The following ROR2 variants were observed in gnomAD, a reference collection of about 807,000 sequenced individuals.
ROR2 encodes the protein tyrosine-protein kinase transmembrane receptor ROR2.
Under a neutral mutation model 74.9 loss-of-function variants are expected in ROR2, and 33 were observed. The ratio of observed to expected loss-of-function variants is 0.44; its 90% CI spans 0.33 to 0.59. The LOEUF (loss-of-function observed/expected upper bound fraction) is 0.59. Ranked by LOEUF, ROR2 falls within the 20% of genes least tolerant of loss-of-function variation. The pLI is 0.02. For missense variants in ROR2, 1,216 were observed against 1,313.8 expected (o/e 0.93, Z 1.15); for synonymous variants, 586 against 558.7 (o/e 1.05, Z -0.69).
intron 1 of ROR2, among the ~76,000 whole-genome samples, chr9:91,835,983 C>T (rs1221472298): frequency 6.6e-6 from 1 of 152,210 alleles, no homozygotes; most frequent in African/African-American, 2.4e-5. Flanking sequence ...ACAGCTTTCC[C>T]CAGCCGTGTT....
chr9:91,743,535 C>T (rs967154982), intron 4 of ROR2, among the ~76,000 whole-genome samples: 1 of 151,794 alleles, frequency 6.6e-6, no homozygotes, highest in African/African-American at 2.4e-5. Flanking sequence ...CATGCCATTG[C>T]ACTACAGCCT....
intron 2 of ROR2, among the ~76,000 whole-genome samples, chr9:91,768,511 C>T (rs1325463786): frequency 6.6e-6 from 1 of 152,216 alleles, no homozygotes; most frequent in African/African-American, 2.4e-5. Context: ...CAGGAAGAAT[C>T]ACTGCTGTCC....
chr9:91,777,901 G>A (rs1374597524), intron 1 of ROR2, among the ~76,000 whole-genome samples: 2 of 152,194 alleles, frequency 1.3e-5, no homozygotes, highest in South Asian at 2.1e-4. Context: ...TGTACCACGG[G>A]ATTAGTAAAC....
intron 1 of ROR2, among the ~76,000 whole-genome samples, chr9:91,901,161 T>C (rs1049895624): frequency 6.6e-6 from 1 of 152,220 alleles, no homozygotes; most frequent in Non-Finnish European, 1.5e-5. Flanking sequence ...TCTTCTGAAA[T>C]GCAAACTATA....
At chr9:91,919,509 C>T (rs1831214764) in intron 1 of ROR2, among the ~76,000 whole-genome samples, 3 of 152,210 alleles carry the variant, frequency 2.0e-5, no homozygotes, top group African/African-American at 7.2e-5. Context: ...ACAACCTGCC[C>T]ACCATGAATC....
At chr9:91,949,708 G>C (rs1198524972) in intron 1 of ROR2, among the ~76,000 whole-genome samples, 159 bp downstream of exon 1, 1 of 152,038 alleles carries the variant, frequency 6.6e-6, no homozygotes, top group Admixed American at 6.5e-5. Context: ...GGTGCGGGCC[G>C]GGAGCGGCGT....
At chr9:91,782,584 C>CAAAAAA (rs55664591) in intron 1 of ROR2, among the ~76,000 whole-genome samples, 5 of 79,786 alleles carry the variant, frequency 6.3e-5, no homozygotes, top group East Asian at 3.7e-4. Flanking sequence ...TAGCTGATAG[C>CAAAAAA]AAAAAAAAAA....
At chr9:91,865,579 A>C (rs1008832052) in intron 1 of ROR2, among the ~76,000 whole-genome samples, 1 of 152,260 alleles carries the variant, frequency 6.6e-6, no homozygotes, top group African/African-American at 2.4e-5. Flanking sequence ...AAGAGATACA[A>C]ATTTGCAGAT....
chr9:91,733,178 C>T lies in ROR2; in HGVS notation c.881G>A (p.Ser294Asn). The stretch of plus-strand genomic sequence containing the variant: ...GCGCATGCAGTTGGCAGCGTCGGGG[C>T]TCTCAGGCATGGGCAGCGCCTCACA... Reference protein sequence around the residue: ...PKCEALPMPESPDAANCMRIG... With the variant: ...PKCEALPMPENPDAANCMRIG... Residue 294 changes from serine (S) to asparagine (N), a missense_variant, in exon 6 of 9, where the codon AGC becomes AAC. Transcript: ENST00000375708. This position sits in a 1 kb window ranked among gnomAD's most constrained non-coding sequence, Gnocchi z 5.7. 6.2e-7 allele frequency: 1 copy of T among 1,609,154 alleles called. No individual in the cohort carries two copies. Among genetic ancestry groups the T allele is most frequent in the Non-Finnish European group, 8.5e-7 (1 of 1,178,640 alleles).
chr9:91,722,759 G>A lies in ROR2; in HGVS notation c.*903C>T. 1.6e-6 allele frequency: 1 copy of A among 616,284 alleles called. No individual in the cohort carries two copies. Among genetic ancestry groups the A allele is most frequent in the South Asian group, 1.9e-5 (1 of 51,922 alleles). 38.2% of individuals were successfully genotyped at this position (616,284 alleles called of 1,614,324 possible). A position where few individuals can be genotyped will look rare whatever the true frequency, so the allele number is the denominator to read the frequency against. Reference sequence around the variant, plus strand: ...CGTGGTACAGAGAGAAGCAAACCAAGACCAACTGGATCCCAACGTGGGTAA... The same window carrying A: ...CGTGGTACAGAGAGAAGCAAACCAAAACCAACTGGATCCCAACGTGGGTAA... On this transcript the variant is annotated 3_prime_UTR_variant, in exon 9 of 9. Transcript: ENST00000375708.
At chr9:91,893,634 T>A (rs1830474825) in intron 1 of ROR2, among the ~76,000 whole-genome samples, 1 of 152,170 alleles carries the variant, frequency 6.6e-6, no homozygotes, top group South Asian at 2.1e-4. Flanking sequence ...GGAGTTTGCA[T>A]CTCAGAGGGC....
At chr9:91,790,898 T>A (rs1826950457) in intron 1 of ROR2, among the ~76,000 whole-genome samples, 2 of 152,240 alleles carry the variant, frequency 1.3e-5, no homozygotes, top group South Asian at 4.1e-4. Context: ...AATAAAAACA[T>A]AAAGAAGAAA....
chr9:91,825,564 G>T (rs140918059), intron 1 of ROR2, among the ~76,000 whole-genome samples: 1 of 152,286 alleles, frequency 6.6e-6, no homozygotes, highest in Non-Finnish European at 1.5e-5. Flanking sequence ...AGGGGGAGAA[G>T]GTGGGTGTCA....
Position 91,822,110 on chromosome 9 carries a change from G to A in ROR2, c.98-46292C>T, listed in dbSNP as rs183980420. ...AATCGGGATGAGAGAAATCCATGAA[G>A]TGATGGAAATGTAAAGAGGCCAACA... On this transcript the variant is annotated intron_variant, in intron 1 of 8. Coordinates refer to ENST00000375708, the MANE Select transcript of ROR2 (RefSeq NM_004560.4). 5.3e-5 allele frequency among the ~76,000 whole-genome samples: 8 copies of A among 152,348 alleles called. 1 individual carries two copies. In the South Asian group the frequency reaches 8.3e-4, roughly 16 times the overall value.
At chr9:91,812,773 G>C (rs1023749048) in intron 1 of ROR2, among the ~76,000 whole-genome samples, 8 of 151,894 alleles carry the variant, frequency 5.3e-5, no homozygotes, top group Admixed American at 2.0e-4. Context: ...TCCCACTTTG[G>C]CCAAAAAATA....
intron 1 of ROR2, among the ~76,000 whole-genome samples, chr9:91,918,139 G>C (rs1387369941): frequency 1.3e-5 from 2 of 152,086 alleles, no homozygotes; most frequent in South Asian, 4.1e-4. Flanking sequence ...GTGGTGGCAG[G>C]CGCCTGTAGT....
At chr9:91,812,967 C>G (rs1416310255) in intron 1 of ROR2, among the ~76,000 whole-genome samples, 2 of 152,176 alleles carry the variant, frequency 1.3e-5, no homozygotes, top group Non-Finnish European at 2.9e-5. Flanking sequence ...TCACCTCAAT[C>G]ATATGCCTCT....
chr9:91,873,060 C>G (rs1028072934), intron 1 of ROR2, among the ~76,000 whole-genome samples: 3 of 152,228 alleles, frequency 2.0e-5, no homozygotes, highest in African/African-American at 7.2e-5. Flanking sequence ...ACTTTCGATT[C>G]CAACAGATAT....
At chr9:91,903,791 C>T (rs923072054) in intron 1 of ROR2, among the ~76,000 whole-genome samples, 3 of 152,170 alleles carry the variant, frequency 2.0e-5, no homozygotes, top group African/African-American at 7.2e-5. Context: ...CATAAAAATA[C>T]CTCAGACTGG....
Sources: gnomAD v4.1 joint callset for allele counts (sites outside exome capture counted in the v4.1 genomes callset) on GRCh38, gnomAD v4.1.1 for gene constraint, Gnocchi (gnomAD v3.1) non-coding constraint, MANE v1.5 for transcripts, NCBI Gene and HGNC (gene_info 2026-07-23, HGNC 2026-07-21) for gene names.